Variants in ARMC8 observed in about 807,000 individuals in gnomAD.
ARMC8 encodes the protein armadillo repeat-containing protein 8.
Under a neutral mutation model 99.3 loss-of-function variants are expected in ARMC8, and 20 were observed. That is an observed-to-expected ratio of 0.20 (90% CI 0.14 to 0.29). ARMC8 has a LOEUF of 0.29. Ranked by LOEUF, ARMC8 falls within the 10% of genes least tolerant of loss-of-function variation. The probability of loss-of-function intolerance (pLI) is 1.00; values close to 1 mark genes in which losing one functional copy is unlikely to be tolerated. For missense variants in ARMC8, 569 were observed against 809.5 expected, an observed-to-expected ratio of 0.70 and a Z score of 3.60; for synonymous variants, 263 against 278.3, an observed-to-expected ratio of 0.95 and a Z score of 0.55.
chr3:138,211,799 A>C (rs2044708806), intron 2 of ARMC8, among the ~76,000 whole-genome samples: 1 of 152,210 alleles, frequency 6.6e-6, no homozygotes, highest in East Asian at 1.9e-4. Flanking sequence ...CCATATTGCC[A>C]GGTTGATGTG....
chr3:138,221,831 T>C (rs2045414627), intron 2 of ARMC8, 95 bp from the exon 3 acceptor site: 1 of 983,532 alleles, frequency 1.0e-6, no homozygotes, highest in African/African-American at 1.6e-5. Flanking sequence ...TTTTACTTTG[T>C]CAAATCTAAG....
At chr3:138,217,136 T>C (rs1467128280) in intron 2 of ARMC8, among the ~76,000 whole-genome samples, 1 of 152,202 alleles carries the variant, frequency 6.6e-6, no homozygotes, top group Non-Finnish European at 1.5e-5. Context: ...GTACACTCTA[T>C]GATGTTCACA....
intron 12 of ARMC8, among the ~76,000 whole-genome samples, chr3:138,254,030 C>T (rs149325632): frequency 9.9e-4 from 150 of 152,172 alleles, no homozygotes; most frequent in African/African-American, 3.2e-3. Flanking sequence ...AAGTTTTGAC[C>T]CATAGAACAT....
intron 15 of ARMC8, among the ~76,000 whole-genome samples, chr3:138,267,981 G>A (rs1475146575): frequency 2.6e-5 from 4 of 152,090 alleles, no homozygotes; most frequent in African/African-American, 9.7e-5. Context: ...GGTGGTTCAT[G>A]CGTGTAAACC....
intron 18 of ARMC8, among the ~76,000 whole-genome samples, chr3:138,275,218 G>GT (rs2049162329): frequency 6.6e-6 from 1 of 152,194 alleles, no homozygotes; most frequent in African/African-American, 2.4e-5. Context: ...GCGATCTTCA[G>GT]TTTTTTGACA....
chr3:138,261,227 A>G (rs964779241), intron 12 of ARMC8, among the ~76,000 whole-genome samples: 2 of 152,224 alleles, frequency 1.3e-5, no homozygotes, highest in African/African-American at 4.8e-5. Context: ...TGGAATGCGA[A>G]AGGAATGAAT....
chr3:138,273,235 C>A, intron 17 of ARMC8, 119 bp downstream of exon 17: 1 of 1,100,016 alleles, frequency 9.1e-7, no homozygotes, highest in Non-Finnish European at 1.3e-6. Flanking sequence ...ATGCTGCCCC[C>A]TTCCAAAGAA....
In ARMC8 at chr3:138,245,097, G is replaced by A; in HGVS notation, c.1048G>A (p.Asp350Asn). 1 of 1,613,940 alleles carries A rather than the reference G, an allele frequency of 6.2e-7. No individual in the cohort carries two copies. The highest frequency in any genetic ancestry group is 8.5e-7 in the Non-Finnish European group (1 of 1,179,994). ...AITDIKRLDHDLKHAHELRQA... is the reference protein window; with the variant it reads ...AITDIKRLDHNLKHAHELRQA... Reference sequence around the variant, plus strand: ...CTTTTTTTCCCCATAGCTTGATCATGATTTAAAACATGCTCACGAACTCCG... The same window carrying A: ...CTTTTTTTCCCCATAGCTTGATCATAATTTAAAACATGCTCACGAACTCCG... The change falls in exon 12 of 22, where the codon GAT (aspartate) becomes AAT (asparagine). Residue 350 changes from aspartate (D) to asparagine (N), a missense_variant. Coordinates refer to ENST00000469044, the MANE Select transcript of ARMC8 (RefSeq NM_001363941.2).
At chr3:138,251,879 T>C (rs1354957771) in intron 12 of ARMC8, among the ~76,000 whole-genome samples, 5 of 152,228 alleles carry the variant, frequency 3.3e-5, no homozygotes, top group African/African-American at 1.2e-4. Context: ...ATTATCTAGT[T>C]AAAAGACAGA....
intron 2 of ARMC8, among the ~76,000 whole-genome samples, chr3:138,219,461 T>G (rs2045271363): frequency 6.6e-6 from 1 of 151,988 alleles, no homozygotes; most frequent in Non-Finnish European, 1.5e-5. Context: ...GAAGGATGAG[T>G]AAAGCTAGTC....
intron 18 of ARMC8, among the ~76,000 whole-genome samples, chr3:138,279,427 A>G (rs945247301): frequency 6.6e-6 from 1 of 152,186 alleles, no homozygotes; most frequent in Non-Finnish European, 1.5e-5. Flanking sequence ...TCCTTTAGAT[A>G]TATTGTTAGA....
intron 18 of ARMC8, among the ~76,000 whole-genome samples, chr3:138,282,297 T>C (rs527292881): frequency 9.7e-4 from 147 of 152,286 alleles, no homozygotes; most frequent in African/African-American, 3.3e-3. Flanking sequence ...ATTGTGAGTC[T>C]GGTGTTGCCA....
chr3:138,292,744 A>C (rs1009702407), intron 21 of ARMC8, among the ~76,000 whole-genome samples: 1 of 152,164 alleles, frequency 6.6e-6, no homozygotes, highest in Non-Finnish European at 1.5e-5. Flanking sequence ...CAGGGCTATA[A>C]ATCTGAATGG....
intron 1 of ARMC8, among the ~76,000 whole-genome samples, chr3:138,194,147 A>G (rs1335760194): frequency 6.7e-6 from 1 of 148,846 alleles, no homozygotes. Context: ...GGTTCATGCC[A>G]TTCTCCTGCC....
rs999178717 is a variant in ARMC8, at chr3:138,187,527, C to T, written c.-28C>T. 122 of 1,535,500 alleles carry T rather than the reference C, an allele frequency of 7.9e-5. 1 individual carries two copies. The East Asian group carries it at 2.0e-3, about 25-fold the overall frequency. On this transcript the variant is annotated 5_prime_UTR_variant, in exon 1 of 22. Transcript: ENST00000469044. Reference sequence around the variant, plus strand: ...AAAGTGCCGGCCCCCGCGCCGGCGCCTGCAGCAGCCGGGTGGGAAGGCTCA... The same window carrying T: ...AAAGTGCCGGCCCCCGCGCCGGCGCTTGCAGCAGCCGGGTGGGAAGGCTCA...
chr3:138,273,821 CT>C (rs764799623), intron 17 of ARMC8, among the ~76,000 whole-genome samples: 489 of 144,922 alleles, frequency 3.4e-3, no homozygotes, highest in Non-Finnish European at 4.2e-3. Flanking sequence ...ATGCTTCCCC[CT>C]TTTTTTTTTT....
chr3:138,233,401 G>A (rs2046161315), intron 6 of ARMC8, among the ~76,000 whole-genome samples: 1 of 152,156 alleles, frequency 6.6e-6, no homozygotes, highest in Non-Finnish European at 1.5e-5. Context: ...GTACTGAGAT[G>A]CAGCTTCAAA....
chr3:138,275,583 G>A (rs562980287), intron 18 of ARMC8, among the ~76,000 whole-genome samples: 64 of 151,980 alleles, frequency 4.2e-4, no homozygotes, highest in African/African-American at 1.5e-3. Flanking sequence ...TCATTAAGCT[G>A]TAGACATATA....
At chr3:138,230,607 T>G (rs771512926) in intron 6 of ARMC8, among the ~76,000 whole-genome samples, 2 of 152,056 alleles carry the variant, frequency 1.3e-5, no homozygotes, top group Non-Finnish European at 2.9e-5. Flanking sequence ...GAACCAGTCA[T>G]TGCACCACTG....
Sources: gnomAD v4.1 joint callset for allele counts (sites outside exome capture counted in the v4.1 genomes callset) on GRCh38, gnomAD v4.1.1 for gene constraint, MANE v1.5 for transcripts, NCBI Gene and HGNC (gene_info 2026-07-23, HGNC 2026-07-21) for gene names.